ATRNL1: variants seen among roughly 807,000 people sequenced by gnomAD.
ATRNL1 encodes attractin like 1, also known as attractin-like protein 1.
ATRNL1 carries 95 observed loss-of-function variants against 182.7 expected under a neutral mutation model. That is an observed-to-expected ratio of 0.52 (90% CI 0.44 to 0.62). The LOEUF (loss-of-function observed/expected upper bound fraction) is 0.62. ATRNL1 is among the 20% of genes least tolerant of loss of function. ATRNL1 has a pLI of 0.00. For missense variants in ATRNL1, 1,471 were observed against 1,679.5 expected (o/e 0.88, Z 2.17); for synonymous variants, 576 against 568.3 (o/e 1.01, Z -0.19).
intron 26 of ATRNL1, among the ~76,000 whole-genome samples, chr10:115,664,925 A>C (rs1305472005): frequency 1.3e-5 from 2 of 152,158 alleles, no homozygotes; most frequent in African/African-American, 2.4e-5. Flanking sequence ...GTACTTAAAA[A>C]TCTATGTCAT....
At chr10:115,625,096 TA>T (rs1194209665) in intron 26 of ATRNL1, among the ~76,000 whole-genome samples, 1 of 152,270 alleles carries the variant, frequency 6.6e-6, no homozygotes, top group East Asian at 1.9e-4. Flanking sequence ...ATACCTTCCC[TA>T]AAAGCCAAAT....
At chr10:115,201,799 T>G (rs1848591035) in intron 8 of ATRNL1, among the ~76,000 whole-genome samples, 1 of 152,182 alleles carries the variant, frequency 6.6e-6, no homozygotes, top group African/African-American at 2.4e-5. Context: ...GGGATGGCAT[T>G]GAACCTATAA....
At chr10:115,574,274 A>G (rs1207111390) in intron 26 of ATRNL1, among the ~76,000 whole-genome samples, 1 of 151,062 alleles carries the variant, frequency 6.6e-6, no homozygotes, top group Non-Finnish European at 1.5e-5. Flanking sequence ...ATGTACATGT[A>G]TATATCTATA....
intron 27 of ATRNL1, among the ~76,000 whole-genome samples, chr10:115,823,003 C>G (rs1950340497): frequency 6.6e-6 from 1 of 152,094 alleles, no homozygotes; most frequent in African/African-American, 2.4e-5. Context: ...GTCTAATATC[C>G]CTGATGAACA....
chr10:115,374,001 C>G (rs1857528587), intron 19 of ATRNL1, among the ~76,000 whole-genome samples: 3 of 151,798 alleles, frequency 2.0e-5, no homozygotes, highest in South Asian at 4.1e-4. Flanking sequence ...AGGATCTGAG[C>G]TTTTCTTTGA....
intron 25 of ATRNL1, among the ~76,000 whole-genome samples, chr10:115,521,218 AT>A: frequency 6.6e-6 from 1 of 151,492 alleles, no homozygotes; most frequent in African/African-American, 2.4e-5. Flanking sequence ...CAGTGGCGCT[AT>A]TTCGGCTCAC....
chr10:115,508,443 AG>A (rs1378414464), intron 24 of ATRNL1, among the ~76,000 whole-genome samples: 1 of 152,084 alleles, frequency 6.6e-6, no homozygotes, highest in African/African-American at 2.4e-5. Flanking sequence ...CTTAGTGAGG[AG>A]GGCATGTTGA....
intron 10 of ATRNL1, among the ~76,000 whole-genome samples, chr10:115,256,486 C>T (rs1851142645): frequency 6.6e-6 from 1 of 151,808 alleles, no homozygotes; most frequent in African/African-American, 2.4e-5. Context: ...TGGTGATATC[C>T]CCTTTATCAT....
chr10:115,323,745 G>A (rs942414167), intron 18 of ATRNL1, among the ~76,000 whole-genome samples: 4 of 145,502 alleles, frequency 2.7e-5, no homozygotes, highest in Admixed American at 6.9e-5. Flanking sequence ...TGCCTGGCCC[G>A]TTATTTTTTA....
intron 25 of ATRNL1, among the ~76,000 whole-genome samples, chr10:115,535,234 T>C (rs1851897538): frequency 6.6e-6 from 1 of 152,200 alleles, no homozygotes; most frequent in Admixed American, 6.5e-5. Flanking sequence ...CCCCGTCACT[T>C]TCAGGTACAC....
chr10:115,509,093 T>C (rs557267732), intron 24 of ATRNL1, among the ~76,000 whole-genome samples: 1 of 152,154 alleles, frequency 6.6e-6, no homozygotes, highest in South Asian at 2.1e-4. Flanking sequence ...CTAAACATGT[T>C]CTGCCTATGT....
intron 5 of ATRNL1, among the ~76,000 whole-genome samples, chr10:115,151,313 G>A (rs1846216785): frequency 6.6e-6 from 1 of 152,176 alleles, no homozygotes; most frequent in Non-Finnish European, 1.5e-5. Flanking sequence ...TTCCACAATG[G>A]TTGAACTAGT....
chr10:115,373,045 C>A (rs558816215), intron 19 of ATRNL1, among the ~76,000 whole-genome samples: 1 of 152,124 alleles, frequency 6.6e-6, no homozygotes, highest in South Asian at 2.1e-4. Context: ...CAACTTTTTT[C>A]ATCAATGTTT....
At chr10:115,536,598 C>T (rs1309805058) in intron 25 of ATRNL1, among the ~76,000 whole-genome samples, 5 of 152,214 alleles carry the variant, frequency 3.3e-5, no homozygotes, top group African/African-American at 9.6e-5. Flanking sequence ...CTTCGGCTCT[C>T]GCACGGTGCG....
chr10:115,331,400 C>T (rs1303033981), intron 18 of ATRNL1, among the ~76,000 whole-genome samples: 5 of 152,092 alleles, frequency 3.3e-5, no homozygotes, highest in African/African-American at 1.2e-4. Flanking sequence ...TTTTTAGCTC[C>T]TGGATTACTG....
intron 24 of ATRNL1, among the ~76,000 whole-genome samples, chr10:115,478,867 T>C (rs1053449147): frequency 6.6e-6 from 1 of 151,662 alleles, no homozygotes; most frequent in Non-Finnish European, 1.5e-5. Flanking sequence ...ATTTATGTTA[T>C]CAAATATGTT....
chr10:115,743,238 T>TAAAAAA (rs67671102), intron 27 of ATRNL1, among the ~76,000 whole-genome samples: 2,524 of 115,896 alleles, frequency 0.022, 73 homozygotes, highest in African/African-American at 0.052. Context: ...TCTCTTATAG[T>TAAAAAA]AAAAAAAAAA....
At chr10:115,593,557 C>T (rs1477276203) in intron 26 of ATRNL1, among the ~76,000 whole-genome samples, 1 of 152,150 alleles carries the variant, frequency 6.6e-6, no homozygotes, top group Admixed American at 6.5e-5. Context: ...AAGAATGAAA[C>T]TGGACTCTTA....
intron 19 of ATRNL1, among the ~76,000 whole-genome samples, chr10:115,373,599 C>G (rs547821159): frequency 6.6e-6 from 1 of 151,984 alleles, no homozygotes; most frequent in Admixed American, 6.5e-5. Context: ...AATAGTTGTT[C>G]TACATCTACT....
Sources: gnomAD v4.1 joint callset for allele counts (sites outside exome capture counted in the v4.1 genomes callset) on GRCh38, gnomAD v4.1.1 for gene constraint, MANE v1.5 for transcripts, NCBI Gene and HGNC (gene_info 2026-07-23, HGNC 2026-07-21) for gene names.